The following TESK2 variants were observed in gnomAD, a reference collection of about 807,000 sequenced individuals.
TESK2 encodes dual specificity testis-specific protein kinase 2.
Under a neutral mutation model 57.1 loss-of-function variants are expected in TESK2, and 39 were observed. The observed-to-expected ratio is 0.68, with a 90% CI of 0.53 to 0.89. The LOEUF is 0.89. Ranked by LOEUF, TESK2 falls within the 40% of genes least tolerant of loss-of-function variation. TESK2 has a pLI of 0.00. For synonymous variants in TESK2, 249 were observed against 267.9 expected (o/e 0.93, Z 0.69); for missense variants, 646 against 732.1 (o/e 0.88, Z 1.36).
intron 2 of TESK2, among the ~76,000 whole-genome samples, chr1:45,448,517 A>G (rs946149163): frequency 2.0e-5 from 3 of 152,060 alleles, no homozygotes; most frequent in Non-Finnish European, 2.9e-5. Context: ...GCTTACAACC[A>G]TGGAGGAAGG....
intron 2 of TESK2, among the ~76,000 whole-genome samples, chr1:45,452,546 A>G (rs1436146854): frequency 6.6e-6 from 1 of 152,172 alleles, no homozygotes; most frequent in Non-Finnish European, 1.5e-5. Context: ...ACAAGTCAGG[A>G]AGTTGAAGCA....
intron 1 of TESK2, among the ~76,000 whole-genome samples, chr1:45,463,302 T>C (rs756468958): frequency 6.6e-6 from 1 of 152,228 alleles, no homozygotes; most frequent in Non-Finnish European, 1.5e-5. Flanking sequence ...TCAAGAAATC[T>C]TTGCCCAAAC....
intron 1 of TESK2, among the ~76,000 whole-genome samples, chr1:45,474,781 A>ATC (rs1263173640): frequency 7.1e-6 from 1 of 140,886 alleles, no homozygotes; most frequent in African/African-American, 2.6e-5. Context: ...CCTGGCCTCC[A>ATC]TCTCTTTTTT....
intron 4 of TESK2, among the ~76,000 whole-genome samples, chr1:45,382,250 AT>A (rs1648691551): frequency 6.6e-6 from 1 of 151,518 alleles, no homozygotes; most frequent in African/African-American, 2.4e-5. Flanking sequence ...TTCACTATAT[AT>A]TTTTTGAAAC....
chr1:45,414,107 C>T (rs1359128403), intron 3 of TESK2, among the ~76,000 whole-genome samples: 1 of 152,184 alleles, frequency 6.6e-6, no homozygotes, highest in African/African-American at 2.4e-5. Flanking sequence ...TAATACTCGT[C>T]TGGGTAACAA....
intron 3 of TESK2, among the ~76,000 whole-genome samples, chr1:45,410,804 T>A (rs553792399): frequency 1.8e-4 from 28 of 152,142 alleles, no homozygotes; most frequent in African/African-American, 6.0e-4. Flanking sequence ...TCTCACTATA[T>A]CACCCAGTCT....
chr1:45,467,398 A>G (rs560568284), intron 1 of TESK2, among the ~76,000 whole-genome samples: 19 of 152,086 alleles, frequency 1.2e-4, no homozygotes, highest in African/African-American at 4.3e-4. Flanking sequence ...AGACTGGAGT[A>G]CAGTGGTGCG....
chr1:45,465,311 T>TAAGG (rs764011185), intron 1 of TESK2, among the ~76,000 whole-genome samples: 2 of 151,576 alleles, frequency 1.3e-5, no homozygotes, highest in Non-Finnish European at 2.9e-5. Context: ...CTCAGGAGGC[T>TAAGG]AAGGCAAGAG....
At chr1:45,404,215 T>A (rs912210640) in intron 3 of TESK2, among the ~76,000 whole-genome samples, 3 of 152,172 alleles carry the variant, frequency 2.0e-5, no homozygotes, top group Non-Finnish European at 4.4e-5. Flanking sequence ...GAATGAAATG[T>A]ATGGAGGAAA....
intron 2 of TESK2, among the ~76,000 whole-genome samples, chr1:45,437,617 G>A (rs1232585437): frequency 6.6e-6 from 1 of 152,092 alleles, no homozygotes; most frequent in East Asian, 1.9e-4. Context: ...GAGCATCCTT[G>A]TTCCAGTTTT....
chr1:45,390,534 C>G (rs557519613), intron 3 of TESK2, among the ~76,000 whole-genome samples: 1 of 151,238 alleles, frequency 6.6e-6, no homozygotes, highest in Non-Finnish European at 1.5e-5. Flanking sequence ...TTATTTGTTA[C>G]CAAACTTTAA....
intron 1 of TESK2, among the ~76,000 whole-genome samples, chr1:45,482,909 G>A (rs1183048797): frequency 6.6e-6 from 1 of 151,148 alleles, no homozygotes; most frequent in Non-Finnish European, 1.5e-5. Flanking sequence ...GAACCCAGGA[G>A]GTGGAGGTTG....
At chr1:45,354,045 C>G (rs1473971841) in intron 5 of TESK2, among the ~76,000 whole-genome samples, 4 of 152,208 alleles carry the variant, frequency 2.6e-5, no homozygotes, top group Admixed American at 1.3e-4. Flanking sequence ...TAGCTAAGAA[C>G]TACATCCTGG....
chr1:45,366,354 T>C (rs1405349243), intron 4 of TESK2, among the ~76,000 whole-genome samples: 1 of 152,154 alleles, frequency 6.6e-6, no homozygotes, highest in Non-Finnish European at 1.5e-5. Context: ...CCCAAAGTGT[T>C]GGGATTACAG....
intron 2 of TESK2, 127 bp from the exon 3 acceptor site, chr1:45,421,973 C>A: frequency 1.1e-6 from 1 of 914,690 alleles, no homozygotes; most frequent in Non-Finnish European, 1.6e-6. Flanking sequence ...CATCTAATTA[C>A]ATTAAAGTAT....
intron 3 of TESK2, among the ~76,000 whole-genome samples, chr1:45,389,958 A>T (rs1362665866): frequency 6.6e-6 from 1 of 152,208 alleles, no homozygotes; most frequent in South Asian, 2.1e-4. Context: ...TCTCTTTTTC[A>T]TAACCCTTCA....
At chr1:45,459,873 T>G (rs1029488797) in intron 1 of TESK2, among the ~76,000 whole-genome samples, 1 of 152,020 alleles carries the variant, frequency 6.6e-6, no homozygotes, top group Non-Finnish European at 1.5e-5. Context: ...GACAAAAAAT[T>G]TGCAGCCACA....
chr1:45,480,458 CAAAAAA>C (rs112614744), intron 1 of TESK2, among the ~76,000 whole-genome samples: 1 of 74,084 alleles, frequency 1.3e-5, no homozygotes, highest in African/African-American at 4.4e-5. Flanking sequence ...ACTCAGTCTC[CAAAAAA>C]AAAAAAAAAA....
At chr1:45,386,418 G>A in intron 3 of TESK2, among the ~76,000 whole-genome samples, 1 of 150,372 alleles carries the variant, frequency 6.7e-6, no homozygotes, top group South Asian at 2.1e-4. Flanking sequence ...AGAAAGGAAG[G>A]GAAAGGGAAA....
Sources: gnomAD v4.1 joint callset for allele counts (sites outside exome capture counted in the v4.1 genomes callset) on GRCh38, gnomAD v4.1.1 for gene constraint, MANE v1.5 for transcripts, NCBI Gene and HGNC (gene_info 2026-07-23, HGNC 2026-07-21) for gene names.